MAGI1: variants seen among roughly 807,000 people sequenced by gnomAD.
MAGI1 encodes the protein membrane associated guanylate kinase, WW and PDZ domain containing 1.
MAGI1 carries 58 observed loss-of-function variants against 139.9 expected under a neutral mutation model. The ratio of observed to expected loss-of-function variants is 0.41; its 90% CI spans 0.34 to 0.52. The LOEUF is 0.52. Ranked by LOEUF, MAGI1 falls within the 20% of genes least tolerant of loss-of-function variation. MAGI1 has a pLI of 0.12. For missense variants in MAGI1, 1,874 were observed against 1,901.6 expected, an observed-to-expected ratio of 0.99 and a Z score of 0.27; for synonymous variants, 812 against 737.9, an observed-to-expected ratio of 1.10 and a Z score of -1.63.
rs1034103164 is a variant in MAGI1, at chr3:65,859,206, G to A, written c.313+178790C>T. On this transcript the variant is annotated intron_variant, in intron 1 of 22. Coordinates refer to ENST00000402939, the MANE Select transcript of MAGI1 (RefSeq NM_001033057.2). ...AAACTAGCTGGGCATGGTGGCGCAT[G>A]CCTGTAATCCCAGCTACTCAGGTGG... Among the ~76,000 whole-genome samples, 27 of 152,058 alleles carry A rather than the reference G, an allele frequency of 1.8e-4. 1 individual carries two copies. Among genetic ancestry groups the A allele is most frequent in the Admixed American group, 1.6e-3 (25 of 15,270 alleles).
At chr3:65,529,485 T>C (rs1363519781) in intron 2 of MAGI1, among the ~76,000 whole-genome samples, 1 of 152,200 alleles carries the variant, frequency 6.6e-6, no homozygotes, top group East Asian at 1.9e-4. Flanking sequence ...CAGTGTGATG[T>C]TTCTTATAGT....
chr3:65,986,381 G>C (rs1051228863), intron 1 of MAGI1, among the ~76,000 whole-genome samples: 1 of 152,184 alleles, frequency 6.6e-6, no homozygotes, highest in African/African-American at 2.4e-5. Context: ...TAGATGAGTT[G>C]AGATGTGCAC....
At chr3:65,631,676 A>C (rs986939232) in intron 1 of MAGI1, among the ~76,000 whole-genome samples, 3 of 152,186 alleles carry the variant, frequency 2.0e-5, no homozygotes, top group African/African-American at 7.2e-5. Context: ...AATAGCTCCA[A>C]AGTAGGTACG....
intron 1 of MAGI1, among the ~76,000 whole-genome samples, chr3:65,886,969 T>C (rs888654306): frequency 3.3e-5 from 5 of 152,206 alleles, no homozygotes; most frequent in African/African-American, 1.2e-4. Flanking sequence ...TGTCATTTCT[T>C]AATAATTTAA....
At chr3:65,846,960 GAATAGCAATGTCTTACAAAAAAAAAAA>G (rs2059019420) in intron 1 of MAGI1, among the ~76,000 whole-genome samples, 1 of 62,804 alleles carries the variant, frequency 1.6e-5, no homozygotes, top group African/African-American at 8.4e-5. Context: ...AGATTACAAA[GAATAGCAATGTCTTACAAAAAAAAAAA>G]AAAAAAAAAC....
chr3:65,745,714 TG>T lies in MAGI1; in HGVS notation c.314-123627del, dbSNP rs1189139625. Among the ~76,000 whole-genome samples, 7 of 151,912 alleles carry T rather than the reference TG, an allele frequency of 4.6e-5. No individual in the cohort carries two copies. The South Asian group carries it at 6.2e-4, about 14-fold the overall frequency. On this transcript the variant is annotated intron_variant, in intron 1 of 22. Transcript: ENST00000402939. Reference sequence around the variant, plus strand: ...CTCATTGCAAGGTGCCTACGGCAAGTGGATATTGAATTCTCTTTTGTTTTTC... The same window carrying T: ...CTCATTGCAAGGTGCCTACGGCAAGTGATATTGAATTCTCTTTTGTTTTTC...
chr3:65,699,616 C>T (rs1254159689), intron 1 of MAGI1, among the ~76,000 whole-genome samples: 1 of 148,894 alleles, frequency 6.7e-6, no homozygotes, highest in East Asian at 2.0e-4. Context: ...TCTCAGTAAA[C>T]TATCGCAACA....
In MAGI1 at chr3:65,501,475, A is replaced by AAAAAAT. The variant is rs1553654934; in HGVS notation, c.431-7845_431-7844insATTTTT. On this transcript the variant is annotated intron_variant, in intron 2 of 22. Coordinates refer to ENST00000402939, the MANE Select transcript of MAGI1 (RefSeq NM_001033057.2). ...TCTCAAAAAAAAAAAAAAAAAAAAA[A>AAAAAAT]TTTAAACATATTTGGGTAAAAAGTA... is the stretch of plus-strand genomic sequence containing the variant. Among the ~76,000 whole-genome samples the AAAAAAT allele has an allele frequency of 6.3e-4, 94 of 150,230 alleles. 1 individual carries two copies. The highest frequency in any genetic ancestry group is 2.3e-3 in the African/African-American group (91 of 40,392).
intron 1 of MAGI1, among the ~76,000 whole-genome samples, chr3:65,778,552 A>G (rs1330902774): frequency 1.3e-5 from 2 of 152,146 alleles, no homozygotes; most frequent in Non-Finnish European, 2.9e-5. Flanking sequence ...TACATATGCA[A>G]TCTGTGTCCT....
intron 2 of MAGI1, among the ~76,000 whole-genome samples, chr3:65,559,778 T>C (rs1028543676): frequency 1.1e-4 from 17 of 152,230 alleles, no homozygotes; most frequent in African/African-American, 3.9e-4. Context: ...GGCTCACGCC[T>C]GTAATACCAG....
chr3:65,545,311 G>A (rs2079443012), intron 2 of MAGI1, among the ~76,000 whole-genome samples: 1 of 152,166 alleles, frequency 6.6e-6, no homozygotes, highest in Admixed American at 6.5e-5. Flanking sequence ...CAAAGAGAGA[G>A]AGAGAGAGAT....
Position 65,379,510 on chromosome 3 carries a change from G to A in MAGI1, c.2746C>T (p.His916Tyr). The A allele has an allele frequency of 1.2e-6, 2 of 1,613,420 alleles. No individual in the cohort carries two copies. Among genetic ancestry groups the A allele is most frequent in the Non-Finnish European group, 1.7e-6 (2 of 1,179,490 alleles). The change falls in exon 17 of 23, where the codon CAC becomes TAC. Residue 916 changes from histidine (H) to tyrosine (Y), a missense_variant. Transcript: ENST00000402939. ...NEVPSPASSH[H>Y]SSNQPASLTE... ...AGCGAGGCCGGCTGGTTGCTACTGT[G>A]ATGAGAGGAGGCTGGCGAGGGCACC... is the stretch of plus-strand genomic sequence containing the variant.
chr3:65,965,714 G>A (rs1390846813), intron 1 of MAGI1, among the ~76,000 whole-genome samples: 1 of 151,280 alleles, frequency 6.6e-6, no homozygotes. Context: ...AGTCTTACTC[G>A]GTCGCCCAGC....
In MAGI1 at chr3:65,630,856, T is replaced by G. The variant is rs114034018; in HGVS notation, c.314-8768A>C. On this transcript the variant is annotated intron_variant, in intron 1 of 22. Transcript: ENST00000402939. The stretch of plus-strand genomic sequence containing the variant: ...AAGCCACCTGTACCCCAAACACTAC[T>G]GAAATTTTTAAAAAGAGAGAGAGAG... Among the ~76,000 whole-genome samples, 1,109 of 152,260 alleles carry G rather than the reference T, an allele frequency of 7.3e-3. 7 individuals carry two copies. The highest frequency in any genetic ancestry group is 0.026 in the African/African-American group (1,071 of 41,560).
rs943274423 is a variant in MAGI1, at chr3:65,797,726, A to C, written c.314-175638T>G. ...GTGAGACCCAGTCTCAAAAAAAAGAAAACAGAAATCTAGTTTCTATAAATA... is the reference window on the plus strand; with the variant it reads ...GTGAGACCCAGTCTCAAAAAAAAGACAACAGAAATCTAGTTTCTATAAATA... On this transcript the variant is annotated intron_variant, in intron 1 of 22. Coordinates refer to ENST00000402939, the MANE Select transcript of MAGI1 (RefSeq NM_001033057.2). Among the ~76,000 whole-genome samples the C allele has an allele frequency of 2.0e-5, 3 of 152,302 alleles. No individual in the cohort carries two copies. In the East Asian group the frequency reaches 5.8e-4, roughly 29 times the overall value.
chr3:66,033,256 T>A (rs958127155), intron 1 of MAGI1, among the ~76,000 whole-genome samples: 14 of 152,120 alleles, frequency 9.2e-5, no homozygotes, highest in African/African-American at 3.4e-4. Context: ...ACTCCTGAGC[T>A]CAAGTGATCC....
At chr3:65,622,492 T>C (rs2083735618) in intron 1 of MAGI1, among the ~76,000 whole-genome samples, 1 of 152,184 alleles carries the variant, frequency 6.6e-6, no homozygotes, top group African/African-American at 2.4e-5. Flanking sequence ...ATTCGAATGG[T>C]AGGAATTTAC....
chr3:65,583,852 T>A (rs938290892), intron 2 of MAGI1, among the ~76,000 whole-genome samples: 1 of 152,132 alleles, frequency 6.6e-6, no homozygotes, highest in Admixed American at 6.5e-5. Context: ...AAATCTATAC[T>A]AAGAAAAGCT....
At chr3:65,978,966 G>A (rs1057415830) in intron 1 of MAGI1, among the ~76,000 whole-genome samples, 2 of 151,750 alleles carry the variant, frequency 1.3e-5, no homozygotes, top group Non-Finnish European at 2.9e-5. Flanking sequence ...ATAATTTCGA[G>A]GACTCAGAAA....
Sources: gnomAD v4.1 joint callset for allele counts (sites outside exome capture counted in the v4.1 genomes callset) on GRCh38, gnomAD v4.1.1 for gene constraint, MANE v1.5 for transcripts, NCBI Gene and HGNC (gene_info 2026-07-23, HGNC 2026-07-21) for gene names.